Variants in FSTL4 observed in about 807,000 individuals in gnomAD.
The protein encoded by FSTL4 is follistatin-related protein 4.
Under a neutral mutation model 78.2 loss-of-function variants are expected in FSTL4, and 28 were observed. That is an observed-to-expected ratio of 0.36 (90% CI 0.27 to 0.49). The LOEUF (loss-of-function observed/expected upper bound fraction) is 0.49. Among genes scored for constraint, FSTL4 ranks in the 20% least tolerant of loss-of-function variants. The pLI is 0.98. For missense variants in FSTL4, 922 were observed against 1,084.9 expected (o/e 0.85, Z 2.11); for synonymous variants, 422 against 440.5 (o/e 0.96, Z 0.53).
the FSTL4 span, among the ~76,000 whole-genome samples, chr5:133,740,998 T>C: frequency 6.6e-6 from 1 of 151,674 alleles, no homozygotes; most frequent in African/African-American, 2.4e-5. Context: ...AATGGATGAA[T>C]GAATTGATGG....
the FSTL4 span, among the ~76,000 whole-genome samples, chr5:133,662,600 G>A: frequency 7.9e-5 from 12 of 152,144 alleles, no homozygotes; most frequent in African/African-American, 2.9e-4. Flanking sequence ...CTGCCTTTTG[G>A]AAACACTGAA....
chr5:133,239,423 C>A (rs890487247), intron 7 of FSTL4, among the ~76,000 whole-genome samples: 1 of 152,178 alleles, frequency 6.6e-6, no homozygotes, highest in African/African-American at 2.4e-5. Context: ...AGCTGGGCTC[C>A]TGAGTCTGGT....
intron 4 of FSTL4, among the ~76,000 whole-genome samples, chr5:133,355,089 T>C (rs1334318712): frequency 1.3e-5 from 2 of 152,192 alleles, no homozygotes; most frequent in South Asian, 2.1e-4. Context: ...GTAGTTTGCA[T>C]GTTAAAAGAG....
chr5:133,631,657 C>G, the FSTL4 span, among the ~76,000 whole-genome samples: 1 of 152,202 alleles, frequency 6.6e-6, no homozygotes. Context: ...GGTATATACC[C>G]AAAGGATTAT....
chr5:133,640,286 G>A, the FSTL4 span, among the ~76,000 whole-genome samples: 1 of 152,194 alleles, frequency 6.6e-6, no homozygotes, highest in Non-Finnish European at 1.5e-5. Flanking sequence ...AAACCTGGGA[G>A]AATGGGCCAT....
At chr5:133,799,060 G>A in the FSTL4 span, among the ~76,000 whole-genome samples, 1 of 132,420 alleles carries the variant, frequency 7.6e-6, no homozygotes, top group Non-Finnish European at 1.7e-5. Flanking sequence ...GAGAGGAAAG[G>A]AGGTGGGGAG....
the FSTL4 span, among the ~76,000 whole-genome samples, chr5:133,753,683 C>CTGTG: frequency 0.026 from 3,170 of 120,504 alleles, 68 homozygotes; most frequent in South Asian, 0.047. Context: ...CACATTTGTT[C>CTGTG]TGTGTGTGTG....
At position 133,482,492 on chromosome 5, in the gene FSTL4, G is replaced by A. The variant is rs1364192922; in HGVS notation, c.161-81506C>T. On this transcript the variant is annotated intron_variant, in intron 3 of 15. Transcript: ENST00000265342. ...CCTCAAGAGTTCACAGAAATGGACT[G>A]CTTCCAGAGAATGCTGTAGGGCTTA... Among the ~76,000 whole-genome samples the A allele has an allele frequency of 4.6e-5, 7 of 152,250 alleles. No individual in the cohort carries two copies. The East Asian group carries it at 9.6e-4, about 21-fold the overall frequency.
At position 133,502,466 on chromosome 5, in the gene FSTL4, G is replaced by A. The variant is rs186981434; in HGVS notation, c.160+64720C>T. ...AGCAGGTGATATGGTTTGGATCTGTGTCCCCACGAAATCTCCTGTGGAATT... is the reference window on the plus strand; with the variant it reads ...AGCAGGTGATATGGTTTGGATCTGTATCCCCACGAAATCTCCTGTGGAATT... On this transcript the variant is annotated intron_variant, in intron 3 of 15. Coordinates refer to ENST00000265342, the MANE Select transcript of FSTL4 (RefSeq NM_015082.2). Among the ~76,000 whole-genome samples the A allele has an allele frequency of 3.5e-4, 53 of 152,258 alleles. 1 individual carries two copies. Among genetic ancestry groups the A allele is most frequent in the Admixed American group, 2.9e-3 (44 of 15,294 alleles).
At chr5:133,685,719 G>A in the FSTL4 span, among the ~76,000 whole-genome samples, 1 of 152,232 alleles carries the variant, frequency 6.6e-6, no homozygotes, top group African/African-American at 2.4e-5. Context: ...AGCCAGGCAT[G>A]AGCCAGAGGG....
the FSTL4 span, among the ~76,000 whole-genome samples, chr5:133,786,656 A>C: frequency 6.6e-6 from 1 of 152,214 alleles, no homozygotes; most frequent in Admixed American, 6.5e-5. Flanking sequence ...AAGACAGGCC[A>C]GCCTTGAGGA....
intron 4 of FSTL4, among the ~76,000 whole-genome samples, chr5:133,329,929 G>C (rs1754303753): frequency 6.6e-6 from 1 of 152,130 alleles, no homozygotes; most frequent in African/African-American, 2.4e-5. Context: ...CTTTGCCCCG[G>C]GTTTGGCAAA....
intron 3 of FSTL4, among the ~76,000 whole-genome samples, chr5:133,472,033 G>A (rs186272430): frequency 6.6e-6 from 1 of 152,092 alleles, no homozygotes; most frequent in Non-Finnish European, 1.5e-5. Flanking sequence ...GTGACCTTGG[G>A]GGCCACACTA....
chr5:133,561,011 C>T (rs1759900024), intron 3 of FSTL4, among the ~76,000 whole-genome samples: 1 of 151,208 alleles, frequency 6.6e-6, no homozygotes, highest in Non-Finnish European at 1.5e-5. Flanking sequence ...ATGGCGTGAA[C>T]CCGTGAGGCT....
At chr5:133,757,020 T>C in the FSTL4 span, among the ~76,000 whole-genome samples, 1 of 152,192 alleles carries the variant, frequency 6.6e-6, no homozygotes, top group Non-Finnish European at 1.5e-5. Flanking sequence ...GTGAGAGCCA[T>C]ATCTGGCTCG....
Position 133,199,055 on chromosome 5 carries a change from T to A in FSTL4, c.*40A>T, listed in dbSNP as rs780428529. 1.6e-6 allele frequency: 2 copies of A among 1,281,088 alleles called. No homozygotes were observed. Among genetic ancestry groups the A allele is most frequent in the Non-Finnish European group, 2.2e-6 (2 of 924,456 alleles). 79.4% of individuals were successfully genotyped at this position (1,281,088 alleles called of 1,614,324 possible). ...CTGCTTGAGGCTGCAGTGTCAGGAC[T>A]AGGGGGTGTTCCTTGGCCCAGGGCT... On this transcript the variant is annotated 3_prime_UTR_variant, in exon 16 of 16. Coordinates refer to ENST00000265342, the MANE Select transcript of FSTL4 (RefSeq NM_015082.2). This position sits in a 1 kb window ranked among gnomAD's most constrained non-coding sequence, Gnocchi z 4.4.
chr5:133,400,415 C>G (rs1366473495), intron 4 of FSTL4, among the ~76,000 whole-genome samples: 3 of 152,206 alleles, frequency 2.0e-5, no homozygotes, highest in African/African-American at 4.8e-5. Context: ...TTGTCACAAC[C>G]TTGCAAAGGC....
chr5:133,753,302 C>A, the FSTL4 span, among the ~76,000 whole-genome samples: 2 of 152,094 alleles, frequency 1.3e-5, no homozygotes, highest in South Asian at 4.1e-4. Context: ...AAAATTGGAC[C>A]CTGCTGAGAG....
At chr5:133,654,341 T>G in the FSTL4 span, among the ~76,000 whole-genome samples, 1 of 152,234 alleles carries the variant, frequency 6.6e-6, no homozygotes, top group Non-Finnish European at 1.5e-5. Context: ...TTTTACTATC[T>G]GAGGCTCAGA....
Sources: gnomAD v4.1 joint callset for allele counts (sites outside exome capture counted in the v4.1 genomes callset) on GRCh38, gnomAD v4.1.1 for gene constraint, Gnocchi (gnomAD v3.1) non-coding constraint, MANE v1.5 for transcripts, NCBI Gene and HGNC (gene_info 2026-07-23, HGNC 2026-07-21) for gene names.